LSM14B: variants seen among roughly 807,000 people sequenced by gnomAD.
LSM14B encodes protein LSM14 homolog B.
LSM14B carries 8 observed loss-of-function variants against 42.1 expected under a neutral mutation model. The ratio of observed to expected loss-of-function variants is 0.19; its 90% CI spans 0.11 to 0.34. LSM14B has a LOEUF of 0.34. Among genes scored for constraint, LSM14B ranks in the 10% least tolerant of loss-of-function variants. The pLI is 1.00. For synonymous variants in LSM14B, 219 were observed against 209.7 expected (o/e 1.04, Z -0.38); for missense variants, 396 against 513.1 (o/e 0.77, Z 2.21).
chr20:62,125,140 A>C (rs1471651841), intron 2 of LSM14B, among the ~76,000 whole-genome samples: 1 of 152,148 alleles, frequency 6.6e-6, no homozygotes, highest in Non-Finnish European at 1.5e-5. Context: ...TGGCCTCCCA[A>C]AGTGCTAGGA....
Position 62,123,891 on chromosome 20 carries a change from T to C in LSM14B, c.128-726T>C, listed in dbSNP as rs141055859. On this transcript the variant is annotated intron_variant, in intron 1 of 8. Transcript: ENST00000279068. The stretch of plus-strand genomic sequence containing the variant: ...CAGCCATGGAACCTCACTACACTTA[T>C]TACAGGAGAGCCCAGTTAGAGAAGC... 2.4e-3 allele frequency among the ~76,000 whole-genome samples: 366 copies of C among 152,338 alleles called. 1 individual carries two copies. Among genetic ancestry groups the C allele is most frequent in the Admixed American group, 0.014 (214 of 15,300 alleles).
intron 3 of LSM14B, chr20:62,127,614 G>T: frequency 6.4e-7 from 1 of 1,551,056 alleles, no homozygotes; most frequent in Non-Finnish European, 8.7e-7. Context: ...AGCCTCAGCC[G>T]CTGCTTCCAG....
chr20:62,131,051 G>A (rs1471768259), intron 6 of LSM14B, among the ~76,000 whole-genome samples: 2 of 152,176 alleles, frequency 1.3e-5, no homozygotes, highest in Non-Finnish European at 2.9e-5. Flanking sequence ...TCTGTCTCAA[G>A]GAAAAGGAAG....
In LSM14B at chr20:62,130,090, C is replaced by T; in HGVS notation, c.596-129C>T. The T allele has an allele frequency of 2.1e-6, 3 of 1,437,252 alleles. No homozygotes were observed. The highest frequency in any genetic ancestry group is 2.8e-6 in the Non-Finnish European group (3 of 1,061,714). The allele number at this position is 1,437,252 out of a possible 1,614,324, so 89.0% of individuals were successfully genotyped here. On this transcript the variant is annotated intron_variant, in intron 4 of 8. Transcript: ENST00000279068. The surrounding 1 kb of genome is among the most constrained non-coding windows in gnomAD (Gnocchi z 4.1). Reference sequence around the variant, plus strand: ...CCCCATGTGCTTTTGCAGGGCAGGCCTGTGCAGCAGCCTCCTGCGGTGCCG... The same window carrying T: ...CCCCATGTGCTTTTGCAGGGCAGGCTTGTGCAGCAGCCTCCTGCGGTGCCG...
intron 3 of LSM14B, chr20:62,127,653 G>T (rs1206222454): frequency 6.4e-7 from 1 of 1,551,102 alleles, no homozygotes. Flanking sequence ...TCCACAGCCC[G>T]TTTCAGAGCT....
intron 2 of LSM14B, 101 bp downstream of exon 2, chr20:62,124,881 C>CA: frequency 8.7e-7 from 1 of 1,147,926 alleles, no homozygotes. Flanking sequence ...TGAGGAATAA[C>CA]CTTTTTTTTT....
intron 3 of LSM14B, among the ~76,000 whole-genome samples, chr20:62,126,669 A>G (rs1040419745): frequency 3.3e-5 from 5 of 152,200 alleles, no homozygotes; most frequent in African/African-American, 1.2e-4. Context: ...AGAAGAATCA[A>G]ATCAAAATTC....
At chr20:62,131,271 C>T (rs1053491802) in intron 6 of LSM14B, 85 bp from the exon 7 acceptor site, 7 of 1,460,864 alleles carry the variant, frequency 4.8e-6, no homozygotes, top group African/African-American at 2.8e-5. Context: ...GGGTGGCTTC[C>T]GAGTGAGCCC....
rs976173121 is a variant in LSM14B, at chr20:62,133,493, C to T, written c.*14+18C>T. 1 of 1,602,526 alleles carries T rather than the reference C, an allele frequency of 6.2e-7. No homozygotes were observed. ...AGCCAAAGGTGAGTGGATGAACCTT[C>T]TGGACGCTTTGGTGGGAGGGTGTAG... is the stretch of plus-strand genomic sequence containing the variant. On this transcript the variant is annotated intron_variant, in intron 8 of 8. Transcript: ENST00000279068.
At position 62,130,860 on chromosome 20, in the gene LSM14B, A is replaced by C. The variant is rs913086452; in HGVS notation, c.835+169A>C. Among the ~76,000 whole-genome samples the C allele has an allele frequency of 6.6e-6, 1 of 152,140 alleles. No homozygotes were observed. The highest frequency in any genetic ancestry group is 6.5e-5 in the Admixed American group (1 of 15,272). The stretch of plus-strand genomic sequence containing the variant: ...GGAGTTCAACACCAGCCTGGCCAAC[A>C]CAATGAAACCCCATCTGTACTAAAA... On this transcript the variant is annotated intron_variant, in intron 6 of 8. Coordinates refer to ENST00000279068, the MANE Select transcript of LSM14B (RefSeq NM_144703.3). The surrounding 1 kb of genome is among the most constrained non-coding windows in gnomAD (Gnocchi z 4.1).
chr20:62,125,254 C>T (rs1452954634), intron 2 of LSM14B, among the ~76,000 whole-genome samples: 1 of 152,206 alleles, frequency 6.6e-6, no homozygotes, highest in Non-Finnish European at 1.5e-5. Flanking sequence ...GGTGTTGATT[C>T]TTGTAGCACA....
Position 62,122,636 on chromosome 20 carries a change from C to A in LSM14B, c.-31C>A. Reference sequence around the variant, plus strand: ...GGGCCGCGGCCCGGCGCTCCTTCCCCACCGCGGCCCGACGCACCCCGGCCG... The same window carrying A: ...GGGCCGCGGCCCGGCGCTCCTTCCCAACCGCGGCCCGACGCACCCCGGCCG... On this transcript the variant is annotated 5_prime_UTR_variant, in exon 1 of 9. Coordinates refer to ENST00000279068, the MANE Select transcript of LSM14B (RefSeq NM_144703.3). This position sits in a 1 kb window ranked among gnomAD's most constrained non-coding sequence, Gnocchi z 4.6. 7.6e-7 allele frequency: 1 copy of A among 1,310,278 alleles called. No individual in the cohort carries two copies. Among genetic ancestry groups the A allele is most frequent in the South Asian group, 1.5e-5 (1 of 64,966 alleles). 81.2% of individuals were successfully genotyped at this position (1,310,278 alleles called of 1,614,324 possible). A position where few individuals can be genotyped will look rare whatever the true frequency, so the allele number is the denominator to read the frequency against.
Position 62,124,791 on chromosome 20 carries a change from C to T in LSM14B, c.291+11C>T. 1 of 1,609,400 alleles carries T rather than the reference C, an allele frequency of 6.2e-7. No homozygotes were observed. Among genetic ancestry groups the T allele is most frequent in the Non-Finnish European group, 8.5e-7 (1 of 1,177,284 alleles). On this transcript the variant is annotated intron_variant, in intron 2 of 8. Coordinates refer to ENST00000279068, the MANE Select transcript of LSM14B (RefSeq NM_144703.3). ...CCCGCCATTGTTCAGGTAAGTGTGC[C>T]ACTGTCCCTCTGTGCATGCTGTAGG...
chr20:62,133,779 G>A (rs889455887), intron 8 of LSM14B, among the ~76,000 whole-genome samples: 1 of 152,242 alleles, frequency 6.6e-6, no homozygotes, highest in African/African-American at 2.4e-5. Context: ...AAGCCAGCAA[G>A]TGAGACCTTG....
Position 62,124,699 on chromosome 20 carries a change from A to C in LSM14B, c.210A>C (p.Arg70=). The C allele has an allele frequency of 1.2e-6, 2 of 1,613,888 alleles. No homozygotes were observed. Among genetic ancestry groups the C allele is most frequent in the Non-Finnish European group, 1.7e-6 (2 of 1,179,870 alleles). ...REEIYEYIIF[R]GSDIKDITVC... ...AGATTTATGAGTACATCATTTTCCG[A>C]GGAAGTGACATCAAGGATATCACTG... is the stretch of plus-strand genomic sequence containing the variant. The change falls in exon 2 of 9, where the codon CGA becomes CGC. Residue 70 remains arginine (R), a synonymous_variant. Coordinates refer to ENST00000279068, the MANE Select transcript of LSM14B (RefSeq NM_144703.3).
In LSM14B at chr20:62,135,116, T is replaced by C. The variant is rs2056869669; in HGVS notation, c.*968T>C. 1 of 152,242 alleles carries C rather than the reference T, an allele frequency of 6.6e-6. No individual in the cohort carries two copies. The highest frequency in any genetic ancestry group is 6.5e-5 in the Admixed American group (1 of 15,282). The allele number at this position is 152,242 out of a possible 1,614,324, so 9.4% of individuals were successfully genotyped here. ...GGAGGGAGGGTGGGGTCTACATTTG[T>C]TGCATGAGTCGATGGGTCAGAACTT... is the stretch of plus-strand genomic sequence containing the variant. On this transcript the variant is annotated 3_prime_UTR_variant, in exon 9 of 9. Transcript: ENST00000279068.
At chr20:62,133,607 C>T (rs2056828827) in intron 8 of LSM14B, 132 bp downstream of exon 8, 6 of 1,031,202 alleles carry the variant, frequency 5.8e-6, no homozygotes, top group East Asian at 2.9e-5. Context: ...AAAGCCAAAC[C>T]GAGGGCCTCG....
chr20:62,123,901 GC>G (rs2056500051), intron 1 of LSM14B, among the ~76,000 whole-genome samples: 1 of 152,036 alleles, frequency 6.6e-6, no homozygotes, highest in South Asian at 2.1e-4. Context: ...TTACAGGAGA[GC>G]CCAGTTAGAG....
At chr20:62,123,771 G>T (rs2056494110) in intron 1 of LSM14B, among the ~76,000 whole-genome samples, 1 of 152,214 alleles carries the variant, frequency 6.6e-6, no homozygotes, top group South Asian at 2.1e-4. Context: ...GTAGAAGAAC[G>T]CACTCATTCC....
Sources: gnomAD v4.1 joint callset for allele counts (sites outside exome capture counted in the v4.1 genomes callset) on GRCh38, gnomAD v4.1.1 for gene constraint, Gnocchi (gnomAD v3.1) non-coding constraint, MANE v1.5 for transcripts, NCBI Gene and HGNC (gene_info 2026-07-23, HGNC 2026-07-21) for gene names.